IGF2BP3: variants seen among roughly 807,000 people sequenced by gnomAD.
IGF2BP3 encodes the protein insulin-like growth factor 2 mRNA-binding protein 3.
IGF2BP3 carries 9 observed loss-of-function variants against 73.8 expected under a neutral mutation model. The ratio of observed to expected loss-of-function variants is 0.12; its 90% CI spans 0.07 to 0.21. The LOEUF (loss-of-function observed/expected upper bound fraction) is 0.21. IGF2BP3 is among the 10% of genes least tolerant of loss of function. IGF2BP3 has a pLI of 1.00. For missense variants in IGF2BP3, 542 were observed against 714.0 expected (o/e 0.76, Z 2.75); for synonymous variants, 258 against 256.7 (o/e 1.01, Z -0.05).
intron 2 of IGF2BP3, among the ~76,000 whole-genome samples, chr7:23,433,544 G>A (rs990460165): frequency 6.7e-5 from 10 of 149,312 alleles, no homozygotes; most frequent in Admixed American, 2.7e-4. Flanking sequence ...GTAGTGGCAC[G>A]ACCATAGCTC....
At chr7:23,325,049 A>G (rs1416018812) in intron 10 of IGF2BP3, among the ~76,000 whole-genome samples, 1 of 151,944 alleles carries the variant, frequency 6.6e-6, no homozygotes, top group African/African-American at 2.4e-5. Flanking sequence ...CCTACTCAAC[A>G]TAGTGTTGGA....
At chr7:23,438,368 C>A (rs1468413601) in intron 2 of IGF2BP3, among the ~76,000 whole-genome samples, 1 of 152,198 alleles carries the variant, frequency 6.6e-6, no homozygotes, top group Non-Finnish European at 1.5e-5. Flanking sequence ...CCCCCCTTGG[C>A]ATTCCCAAAG....
At chr7:23,352,914 G>T (rs747988390) in intron 5 of IGF2BP3, among the ~76,000 whole-genome samples, 1 of 151,908 alleles carries the variant, frequency 6.6e-6, no homozygotes, top group East Asian at 1.9e-4. Context: ...GTTTTCTGGG[G>T]TTTTTTGTTT....
intron 2 of IGF2BP3, among the ~76,000 whole-genome samples, chr7:23,422,008 G>A (rs1787362266): frequency 6.6e-6 from 1 of 151,932 alleles, no homozygotes; most frequent in African/African-American, 2.4e-5. Context: ...TGAACTCCTG[G>A]GCTCAAGCAG....
At chr7:23,385,152 CCT>C (rs2128518873) in intron 3 of IGF2BP3, among the ~76,000 whole-genome samples, 1 of 152,218 alleles carries the variant, frequency 6.6e-6, no homozygotes, top group South Asian at 2.1e-4. Flanking sequence ...TGGAAAATGA[CCT>C]TTTTGCCTCC....
intron 2 of IGF2BP3, among the ~76,000 whole-genome samples, chr7:23,466,661 T>TA (rs762469716): frequency 6.6e-6 from 1 of 152,224 alleles, no homozygotes; most frequent in Non-Finnish European, 1.5e-5. Context: ...TATATGCTTT[T>TA]GGACTAAGCA....
Position 23,384,885 on chromosome 7 carries a change from T to C in IGF2BP3, c.286-23144A>G, listed in dbSNP as rs979179149. 2.9e-4 allele frequency among the ~76,000 whole-genome samples: 7 copies of C among 24,438 alleles called. No homozygotes were observed. In the South Asian group the frequency reaches 6.4e-3, roughly 22 times the overall value. The allele number at this position is 24,438 out of a possible 152,430, so 16.0% of individuals were successfully genotyped here. A position where few individuals can be genotyped will look rare whatever the true frequency, so the allele number is the denominator to read the frequency against. On this transcript the variant is annotated intron_variant, in intron 3 of 14. Transcript: ENST00000258729. Reference sequence around the variant, plus strand: ...CGGCCTGGGTGACAGAGTGAGACTATCTCAAAACAAAACAAAACAAAACAA... The same window carrying C: ...CGGCCTGGGTGACAGAGTGAGACTACCTCAAAACAAAACAAAACAAAACAA...
chr7:23,432,539 A>C (rs894745718), intron 2 of IGF2BP3, among the ~76,000 whole-genome samples: 1 of 152,190 alleles, frequency 6.6e-6, no homozygotes, highest in Non-Finnish European at 1.5e-5. Flanking sequence ...AACAAACAAA[A>C]AAAACAGGGC....
chr7:23,379,118 G>C (rs1785826130), intron 3 of IGF2BP3, among the ~76,000 whole-genome samples: 1 of 152,158 alleles, frequency 6.6e-6, no homozygotes, highest in Non-Finnish European at 1.5e-5. Context: ...TTCATAATAA[G>C]TTCAGCTGCT....
At chr7:23,332,117 G>A (rs1229862839) in intron 10 of IGF2BP3, among the ~76,000 whole-genome samples, 2 of 151,972 alleles carry the variant, frequency 1.3e-5, no homozygotes, top group Admixed American at 6.6e-5. Context: ...CTGACAAGTG[G>A]GAATTACAAT....
chr7:23,367,092 C>T (rs1188819097), intron 3 of IGF2BP3, among the ~76,000 whole-genome samples: 2 of 151,328 alleles, frequency 1.3e-5, no homozygotes, highest in African/African-American at 4.9e-5. Flanking sequence ...CATTCTTGTG[C>T]CTCAGCTTCC....
chr7:23,447,633 C>A (rs12533936), intron 2 of IGF2BP3, among the ~76,000 whole-genome samples: 27,420 of 151,440 alleles, frequency 0.18, 2,775 homozygotes, highest in South Asian at 0.3. Context: ...CAGAAAAAAA[C>A]AACAACAACA....
intron 10 of IGF2BP3, among the ~76,000 whole-genome samples, chr7:23,326,994 C>T (rs1290209104): frequency 1.3e-5 from 2 of 150,724 alleles, no homozygotes; most frequent in African/African-American, 4.9e-5. Context: ...GTGCAGGGCA[C>T]CAGCATGGCA....
intron 3 of IGF2BP3, among the ~76,000 whole-genome samples, chr7:23,417,714 T>C (rs2128534957): frequency 6.6e-6 from 1 of 152,304 alleles, no homozygotes; most frequent in African/African-American, 2.4e-5. Flanking sequence ...AATCTTGCTA[T>C]TACAACACTT....
At chr7:23,432,638 A>T (rs1002413679) in intron 2 of IGF2BP3, among the ~76,000 whole-genome samples, 2 of 144,560 alleles carry the variant, frequency 1.4e-5, no homozygotes, top group East Asian at 4.0e-4. Flanking sequence ...TCATTTTTTA[A>T]TTTTTTTTTT....
At chr7:23,434,315 T>C (rs569530139) in intron 2 of IGF2BP3, among the ~76,000 whole-genome samples, 9 of 152,292 alleles carry the variant, frequency 5.9e-5, no homozygotes, top group Non-Finnish European at 1.2e-4. Context: ...GGTTTGTTTT[T>C]GTTCGTGGGA....
At chr7:23,467,191 A>G (rs190254917) in intron 2 of IGF2BP3, among the ~76,000 whole-genome samples, 2 of 152,358 alleles carry the variant, frequency 1.3e-5, no homozygotes, top group Non-Finnish European at 2.9e-5. Context: ...GAGAACAAGA[A>G]AAATCCAAAC....
chr7:23,360,339 ACAAT>A (rs1207477360), intron 5 of IGF2BP3, among the ~76,000 whole-genome samples: 1 of 152,238 alleles, frequency 6.6e-6, no homozygotes, highest in African/African-American at 2.4e-5. Flanking sequence ...CCATATCTGT[ACAAT>A]CAAATACTAT....
intron 10 of IGF2BP3, among the ~76,000 whole-genome samples, chr7:23,337,973 T>C (rs929993826): frequency 1.3e-5 from 2 of 152,224 alleles, no homozygotes; most frequent in African/African-American, 2.4e-5. Context: ...CAGCCTTGGA[T>C]TGTCTACCCT....
Sources: gnomAD v4.1 joint callset for allele counts (sites outside exome capture counted in the v4.1 genomes callset) on GRCh38, gnomAD v4.1.1 for gene constraint, MANE v1.5 for transcripts, NCBI Gene and HGNC (gene_info 2026-07-23, HGNC 2026-07-21) for gene names.